IQSEC1: variants seen among roughly 807,000 people sequenced by gnomAD.
The protein encoded by IQSEC1 is IQ motif and Sec7 domain ArfGEF 1.
In IQSEC1, 31 loss-of-function variants were observed where a neutral mutation model predicts 91.0. The observed-to-expected ratio is 0.34, with a 90% CI of 0.26 to 0.46. The LOEUF (loss-of-function observed/expected upper bound fraction) is 0.46, where lower values mean the gene tolerates loss of function less well. IQSEC1 is among the 20% of genes least tolerant of loss of function. The pLI is 1.00. For synonymous variants in IQSEC1, 699 were observed against 662.6 expected, an observed-to-expected ratio of 1.05 and a Z score of -0.84; for missense variants, 1,388 against 1,575.6, an observed-to-expected ratio of 0.88 and a Z score of 2.02.
chr3:13,239,366 GA>G (rs565127697), intron 1 of IQSEC1, among the ~76,000 whole-genome samples: 3 of 152,340 alleles, frequency 2.0e-5, no homozygotes, highest in African/African-American at 7.2e-5. Flanking sequence ...AGGCAGGCGG[GA>G]CAGGAACCCA....
At chr3:13,044,550 G>A (rs888826659) in intron 1 of IQSEC1, among the ~76,000 whole-genome samples, 5 of 152,344 alleles carry the variant, frequency 3.3e-5, no homozygotes, top group East Asian at 3.9e-4. Context: ...ATGGACCCAG[G>A]CTGGACGCAA....
intron 1 of IQSEC1, among the ~76,000 whole-genome samples, chr3:13,070,040 C>T (rs952006237): frequency 1.3e-5 from 2 of 148,352 alleles, no homozygotes; most frequent in African/African-American, 5.0e-5. Context: ...GGGTGCACAC[C>T]AGGGGCCCAG....
At chr3:13,000,088 T>C (rs566979307) in intron 1 of IQSEC1, among the ~76,000 whole-genome samples, 1 of 152,324 alleles carries the variant, frequency 6.6e-6, no homozygotes, top group Non-Finnish European at 1.5e-5. Context: ...GCACATACTA[T>C]TCCCTTGGTT....
intron 2 of IQSEC1, among the ~76,000 whole-genome samples, chr3:13,127,907 AT>A (rs1706544967): frequency 6.6e-6 from 1 of 152,154 alleles, no homozygotes; most frequent in African/African-American, 2.4e-5. Context: ...GAAGAATCTA[AT>A]TTTCTTTGAA....
intron 1 of IQSEC1, among the ~76,000 whole-genome samples, chr3:13,002,103 A>T (rs1391506746): frequency 6.6e-6 from 1 of 152,084 alleles, no homozygotes; most frequent in East Asian, 1.9e-4. Flanking sequence ...AACAACAAAA[A>T]ACAAGTAGTG....
chr3:12,932,809 C>A (rs552046619), intron 3 of IQSEC1, among the ~76,000 whole-genome samples: 2 of 152,326 alleles, frequency 1.3e-5, no homozygotes, highest in South Asian at 4.2e-4. Context: ...CCCGCAGCAC[C>A]GCCAGCCAGA....
intron 1 of IQSEC1, among the ~76,000 whole-genome samples, chr3:13,055,960 G>C (rs557805568): frequency 3.3e-5 from 5 of 152,176 alleles, no homozygotes; most frequent in Admixed American, 6.5e-5. Context: ...TAGCACCACC[G>C]AGATGTCCCC....
chr3:13,059,902 G>A (rs1170082095), intron 1 of IQSEC1, among the ~76,000 whole-genome samples: 1 of 152,230 alleles, frequency 6.6e-6, no homozygotes, highest in Non-Finnish European at 1.5e-5. Flanking sequence ...GCCCTCAGAG[G>A]CCACAGTCTG....
At chr3:13,091,516 C>T (rs1705860708) in intron 2 of IQSEC1, among the ~76,000 whole-genome samples, 3 of 152,054 alleles carry the variant, frequency 2.0e-5, no homozygotes, top group Non-Finnish European at 1.5e-5. Context: ...CATCTCTTCC[C>T]CTGGCCTCCT....
intron 2 of IQSEC1, among the ~76,000 whole-genome samples, chr3:13,099,558 G>A (rs1004279904): frequency 3.3e-5 from 5 of 152,158 alleles, no homozygotes; most frequent in African/African-American, 7.2e-5. Context: ...GGCAGAGCGC[G>A]GTGGCCATGG....
chr3:13,022,210 T>C, intron 1 of IQSEC1: 1 of 1,230,030 alleles, frequency 8.1e-7, no homozygotes, highest in Non-Finnish European at 1.0e-6. Flanking sequence ...TTCAGGTCCC[T>C]TCCTTCTTCA....
At chr3:12,921,157 G>A (rs1363012186) in intron 5 of IQSEC1, among the ~76,000 whole-genome samples, 1 of 152,148 alleles carries the variant, frequency 6.6e-6, no homozygotes, top group Non-Finnish European at 1.5e-5. Context: ...TGCCACCCCA[G>A]GGGCCCCTCC....
Position 12,915,770 on chromosome 3 carries a change from C to G in IQSEC1, c.2021-37G>C, listed in dbSNP as rs906041777. ...ATGCAGCTGGATATCAGGGTGGGCC[C>G]CAGGCTCACTCGATTTACCAGTTTC... On this transcript the variant is annotated intron_variant, in intron 6 of 13. Coordinates refer to ENST00000613206, the MANE Select transcript of IQSEC1 (RefSeq NM_001134382.3). The G allele has an allele frequency of 2.5e-6, 4 of 1,604,302 alleles. No homozygotes were observed. In the African/African-American group the frequency reaches 4.0e-5, roughly 16 times the overall value.
At chr3:12,971,767 T>C (rs1039900293) in intron 1 of IQSEC1, among the ~76,000 whole-genome samples, 1 of 152,010 alleles carries the variant, frequency 6.6e-6, no homozygotes, top group African/African-American at 2.4e-5. Context: ...TTGTTACTTT[T>C]TAAAAACCCA....
chr3:12,928,317 G>A (rs139409743), intron 3 of IQSEC1, among the ~76,000 whole-genome samples: 1,738 of 152,338 alleles, frequency 0.011, 16 homozygotes, highest in Non-Finnish European at 0.018. Flanking sequence ...CCTGAACCTA[G>A]TGCGGGCGAT....
intron 2 of IQSEC1, among the ~76,000 whole-genome samples, chr3:13,114,422 G>A (rs1287985076): frequency 6.6e-6 from 1 of 152,154 alleles, no homozygotes; most frequent in Non-Finnish European, 1.5e-5. Context: ...AACAGGTGGG[G>A]GACCCAGGAA....
chr3:13,041,155 G>A (rs981601243), intron 1 of IQSEC1, among the ~76,000 whole-genome samples: 2 of 151,910 alleles, frequency 1.3e-5, no homozygotes, highest in African/African-American at 2.4e-5. Flanking sequence ...GTGCCCCACC[G>A]CGGTAGACAC....
intron 1 of IQSEC1, among the ~76,000 whole-genome samples, chr3:13,244,551 C>T (rs905116956): frequency 2.0e-5 from 3 of 152,148 alleles, no homozygotes; most frequent in African/African-American, 7.2e-5. Context: ...CTCCAAATAA[C>T]GTAACCCCAG....
chr3:13,232,867 A>G (rs767092974), intron 1 of IQSEC1, among the ~76,000 whole-genome samples: 6 of 152,192 alleles, frequency 3.9e-5, no homozygotes, highest in Non-Finnish European at 7.3e-5. Context: ...TGAGGACACT[A>G]TGTGAAGCGA....
Sources: gnomAD v4.1 joint callset for allele counts (sites outside exome capture counted in the v4.1 genomes callset) on GRCh38, gnomAD v4.1.1 for gene constraint, MANE v1.5 for transcripts, NCBI Gene and HGNC (gene_info 2026-07-23, HGNC 2026-07-21) for gene names.